AGPAT2: variants seen among roughly 807,000 people sequenced by gnomAD.
AGPAT2 encodes 1-acyl-sn-glycerol-3-phosphate acyltransferase beta.
Under a neutral mutation model 26.1 loss-of-function variants are expected in AGPAT2, and 18 were observed. That is an observed-to-expected ratio of 0.69 (90% confidence interval 0.48 to 1.02). The LOEUF is 1.02. AGPAT2 is among the 50% of genes least tolerant of loss of function. The probability of loss-of-function intolerance (pLI) is 0.00; values close to 1 mark genes in which losing one functional copy is unlikely to be tolerated. For missense variants in AGPAT2, 415 were observed against 394.9 expected (o/e 1.05, Z -0.43); for synonymous variants, 200 against 174.2 (o/e 1.15, Z -1.16).
In AGPAT2 at chr9:136,687,207, G is replaced by A. The variant is rs559044334; in HGVS notation, c.151C>T (p.Arg51Cys). Reference sequence around the variant, plus strand: ...TTCTCCACCGTCCGGCCGCCGTGGCGCAGCAGGCAGACGAGCGAGGCCACG... The same window carrying A: ...TTCTCCACCGTCCGGCCGCCGTGGCACAGCAGGCAGACGAGCGAGGCCACG... Reference protein sequence around the residue: ...SAVASLVCLLRHGGRTVENMS... With the variant: ...SAVASLVCLLCHGGRTVENMS... Residue 51 changes from arginine to cysteine, a missense_variant, in exon 1 of 6, where the codon CGC (arginine) becomes TGC (cysteine). By Grantham distance (180) the Arg-to-Cys change is radical. Coordinates refer to ENST00000371696, the MANE Select transcript of AGPAT2 (RefSeq NM_006412.4). 41 of 1,590,704 alleles carry A rather than the reference G, an allele frequency of 2.6e-5. No individual in the cohort carries two copies. The African/African-American group carries it at 3.9e-4, about 15-fold the overall frequency.
At chr9:136,686,711 G>A (rs549067721) in intron 1 of AGPAT2, among the ~76,000 whole-genome samples, 3 of 152,108 alleles carry the variant, frequency 2.0e-5, no homozygotes, top group Non-Finnish European at 4.4e-5. Flanking sequence ...GTCAGGAGGG[G>A]GTCGGAGGGA....
chr9:136,682,915 C>T (rs1382417513), intron 1 of AGPAT2, among the ~76,000 whole-genome samples: 2 of 152,188 alleles, frequency 1.3e-5, no homozygotes, highest in African/African-American at 2.4e-5. Context: ...TTCCCTTCTT[C>T]CCAGCTATGG....
At position 136,677,447 on chromosome 9, in the gene AGPAT2, G is replaced by A; in HGVS notation, c.292C>T (p.His98Tyr). ...CCCATCATGTCCAGGATGCTCTGGT[G>A]GTTGGAGACGATGACACAGGGACGG... ...EARPCVIVSN[H>Y]QSILDMMGLM... Residue 98 changes from histidine (H) to tyrosine (Y), a missense_variant, in exon 2 of 6, where the codon CAC (histidine) becomes TAC (tyrosine). Transcript: ENST00000371696. 6.2e-7 allele frequency: 1 copy of A among 1,613,216 alleles called. No individual in the cohort carries two copies. The highest frequency in any genetic ancestry group is 8.5e-7 in the Non-Finnish European group (1 of 1,179,932).
intron 1 of AGPAT2, among the ~76,000 whole-genome samples, chr9:136,685,048 C>G (rs1427009264): frequency 1.3e-5 from 2 of 152,218 alleles, no homozygotes; most frequent in African/African-American, 2.4e-5. Flanking sequence ...CATCAGGGAC[C>G]CTGGGGCCTG....
intron 4 of AGPAT2, 39 bp from the exon 5 acceptor site, chr9:136,674,846 G>A: frequency 6.8e-7 from 1 of 1,475,520 alleles, no homozygotes; most frequent in Non-Finnish European, 9.1e-7. Flanking sequence ...CAGCCCTGGG[G>A]ACAGGCCAGG....
At chr9:136,675,016 T>G in intron 4 of AGPAT2, among the ~76,000 whole-genome samples, 1 of 152,108 alleles carries the variant, frequency 6.6e-6, no homozygotes, top group East Asian at 1.9e-4. Context: ...TCCTGCAAAT[T>G]TTTACTCATC....
chr9:136,683,427 C>A (rs966871330), intron 1 of AGPAT2, among the ~76,000 whole-genome samples: 2 of 152,140 alleles, frequency 1.3e-5, no homozygotes, highest in Non-Finnish European at 2.9e-5. Flanking sequence ...CCCAGCAGCT[C>A]TCTGAGCCAG....
intron 1 of AGPAT2, among the ~76,000 whole-genome samples, chr9:136,683,700 G>A (rs1846189488): frequency 6.6e-6 from 1 of 152,182 alleles, no homozygotes. Context: ...GAAGGAGGTG[G>A]GGCCAGAGAA....
chr9:136,680,637 G>A (rs894677419), intron 1 of AGPAT2, among the ~76,000 whole-genome samples: 9 of 152,096 alleles, frequency 5.9e-5, no homozygotes, highest in Admixed American at 3.3e-4. Context: ...CAACTTCTCT[G>A]TAAATCTGAA....
At chr9:136,679,665 TGCTA>T (rs1425833779) in intron 1 of AGPAT2, among the ~76,000 whole-genome samples, 2 of 152,226 alleles carry the variant, frequency 1.3e-5, no homozygotes, top group Non-Finnish European at 2.9e-5. Flanking sequence ...AACTGTCTGG[TGCTA>T]GCAAGACGGC....
rs1425010530 is a variant in AGPAT2, at chr9:136,685,255, C to T, written c.182+1921G>A. Reference sequence around the variant, plus strand: ...TGCTGCCCTGGAGAGGTGAGGGCGGCAGGAGGGTCCCATCCAAGCACCATC... The same window carrying T: ...TGCTGCCCTGGAGAGGTGAGGGCGGTAGGAGGGTCCCATCCAAGCACCATC... On this transcript the variant is annotated intron_variant, in intron 1 of 5. Transcript: ENST00000371696. 2.6e-5 allele frequency among the ~76,000 whole-genome samples: 4 copies of T among 152,330 alleles called. No individual in the cohort carries two copies. The East Asian group carries it at 7.7e-4, about 29-fold the overall frequency.
intron 1 of AGPAT2, among the ~76,000 whole-genome samples, chr9:136,685,369 C>T (rs1364777027): frequency 1.3e-5 from 2 of 152,234 alleles, no homozygotes; most frequent in African/African-American, 4.8e-5. Flanking sequence ...AGGGCCAGTG[C>T]CAGCCAACCC....
chr9:136,680,398 TGTATTTTTA>T (rs1055918256), intron 1 of AGPAT2, among the ~76,000 whole-genome samples: 7 of 152,148 alleles, frequency 4.6e-5, no homozygotes, highest in Non-Finnish European at 8.8e-5. Flanking sequence ...GGCTAGTTTT[TGTATTTTTA>T]GTAGAGACGG....
At chr9:136,681,040 C>T (rs1218842091) in intron 1 of AGPAT2, among the ~76,000 whole-genome samples, 11 of 152,122 alleles carry the variant, frequency 7.2e-5, no homozygotes, top group African/African-American at 2.4e-4. Context: ...CACACGGTTC[C>T]GTGGCACTCG....
intron 2 of AGPAT2, 33 bp downstream of exon 2, chr9:136,677,390 A>G: frequency 1.2e-6 from 2 of 1,612,590 alleles, no homozygotes; most frequent in East Asian, 4.5e-5. Context: ...GCCCCACTCA[A>G]ACCCCAGAAG....
At chr9:136,683,424 G>A (rs1021175224) in intron 1 of AGPAT2, among the ~76,000 whole-genome samples, 1 of 152,150 alleles carries the variant, frequency 6.6e-6, no homozygotes, top group Non-Finnish European at 1.5e-5. Context: ...AGACCCAGCA[G>A]CTCTCTGAGC....
At chr9:136,679,878 G>A (rs1458875823) in intron 1 of AGPAT2, among the ~76,000 whole-genome samples, 9 of 152,166 alleles carry the variant, frequency 5.9e-5, no homozygotes, top group Admixed American at 5.9e-4. Flanking sequence ...AGAGCCCTGA[G>A]GAAACCTGGC....
chr9:136,676,842 G>A lies in AGPAT2; in HGVS notation c.492+119C>T, dbSNP rs571933427. 280 of 1,336,620 alleles carry A rather than the reference G, an allele frequency of 2.1e-4. No homozygotes were observed. The African/African-American group carries it at 3.3e-3, about 16-fold the overall frequency. The allele number at this position is 1,336,620 out of a possible 1,614,324, so 82.8% of individuals were successfully genotyped here. On this transcript the variant is annotated intron_variant, in intron 3 of 5. Coordinates refer to ENST00000371696, the MANE Select transcript of AGPAT2 (RefSeq NM_006412.4). ...GGGTCTGGCGTGGGACCCCACCTGC[G>A]GAGCATGGATGATGTGGGGGTCTTG...
At position 136,673,626 on chromosome 9, in the gene AGPAT2, GGCTGAGTGAGA is replaced by G; in HGVS notation, c.*115_*125del. 1 of 1,107,696 alleles carries G rather than the reference GGCTGAGTGAGA, an allele frequency of 9.0e-7. No homozygotes were observed. Among genetic ancestry groups the G allele is most frequent in the Non-Finnish European group, 1.2e-6 (1 of 813,684 alleles). 68.6% of individuals were successfully genotyped at this position (1,107,696 alleles called of 1,614,324 possible). ...GACAGAAGGGGCTTCCTGCTTCCCG[GGCTGAGTGAGA>G]GCTGGGGGAGCCGGACAGAGTGGTA... On this transcript the variant is annotated 3_prime_UTR_variant, in exon 6 of 6. Transcript: ENST00000371696.
Sources: allele counts gnomAD v4.1 joint callset (sites outside exome capture counted in the v4.1 genomes callset), GRCh38; gene constraint gnomAD v4.1.1; transcripts MANE v1.5; gene names NCBI Gene and HGNC (gene_info 2026-07-23, HGNC 2026-07-21).